The following PKIG variants were observed in gnomAD, a reference collection of about 807,000 sequenced individuals.
The protein encoded by PKIG is cAMP-dependent protein kinase inhibitor gamma.
PKIG carries 1 observed loss-of-function variant against 6.8 expected under a neutral mutation model. The ratio of observed to expected loss-of-function variants is 0.15; its 90% CI spans 0.05 to 0.69. PKIG has a LOEUF of 0.69. Among genes scored for constraint, PKIG ranks in the 30% least tolerant of loss-of-function variants. PKIG has a pLI of 0.82. For missense variants in PKIG, 77 were observed against 104.0 expected (o/e 0.74, Z 1.13); for synonymous variants, 39 against 43.0 (o/e 0.91, Z 0.36).
chr20:44,592,150 T>C (rs1568826102), intron 2 of PKIG, among the ~76,000 whole-genome samples: 1 of 152,154 alleles, frequency 6.6e-6, no homozygotes, highest in East Asian at 1.9e-4. Context: ...TCTTATGAAG[T>C]ACATATATAT....
intron 2 of PKIG, among the ~76,000 whole-genome samples, chr20:44,591,599 G>A (rs967141121): frequency 6.7e-6 from 1 of 148,612 alleles, no homozygotes; most frequent in African/African-American, 2.5e-5. Flanking sequence ...GGAGAAAAGA[G>A]GAAGTGGTGC....
At chr20:44,599,797 C>T (rs2065105629) in intron 2 of PKIG, among the ~76,000 whole-genome samples, 1 of 152,278 alleles carries the variant, frequency 6.6e-6, no homozygotes, top group African/African-American at 2.4e-5. Context: ...CTTTTTAAGA[C>T]AAGTGTGAGC....
chr20:44,551,154 C>T (rs1600844832), intron 1 of PKIG, among the ~76,000 whole-genome samples: 1 of 152,036 alleles, frequency 6.6e-6, no homozygotes, highest in South Asian at 2.1e-4. Flanking sequence ...CCCGGGTTCA[C>T]ACCACTCTCC....
At chr20:44,532,405 A>G (rs1164391532) in intron 1 of PKIG, among the ~76,000 whole-genome samples, 1 of 152,178 alleles carries the variant, frequency 6.6e-6, no homozygotes, top group Non-Finnish European at 1.5e-5. Flanking sequence ...TACAAGGTAA[A>G]TTTATATTTA....
chr20:44,571,224 A>AAAT (rs140802204), intron 1 of PKIG, among the ~76,000 whole-genome samples: 6,748 of 150,154 alleles, frequency 0.045, 201 homozygotes, highest in African/African-American at 0.08. Flanking sequence ...AGAGAGACTC[A>AAAT]AATAATAATA....
At chr20:44,589,456 TCTC>T (rs1454058092) in intron 1 of PKIG, among the ~76,000 whole-genome samples, 1 of 152,238 alleles carries the variant, frequency 6.6e-6, no homozygotes, top group Non-Finnish European at 1.5e-5. Flanking sequence ...TACAATGAAA[TCTC>T]CTTCATTCTT....
In PKIG at chr20:44,614,823, G is replaced by A; in HGVS notation, c.151+116G>A. The A allele has an allele frequency of 9.5e-7, 1 of 1,054,646 alleles. No homozygotes were observed. The highest frequency in any genetic ancestry group is 1.5e-5 in the South Asian group (1 of 64,572). The allele number at this position is 1,054,646 out of a possible 1,614,324, so 65.3% of individuals were successfully genotyped here. On this transcript the variant is annotated intron_variant, in intron 3 of 3. Transcript: ENST00000372886. The surrounding 1 kb of genome is among the most constrained non-coding windows in gnomAD (Gnocchi z 4.6). ...TTCTTAGAGAAGAAACCACATTTAA[G>A]TCAGGCCTGCCCCATGGTCAGTGGC...
rs181155765 is a variant in PKIG, at chr20:44,587,967, G to C, written c.-93-1830G>C. 2.5e-3 allele frequency among the ~76,000 whole-genome samples: 384 copies of C among 152,252 alleles called. 8 individuals are homozygous for C. In the South Asian group the frequency reaches 0.025, roughly 10 times the overall value. The stretch of plus-strand genomic sequence containing the variant: ...ATGTGTTAGGCATTATGCAAGGTGC[G>C]GTGGGGAATGTCGAGGTAAATAAGA... On this transcript the variant is annotated intron_variant, in intron 1 of 3. Transcript: ENST00000372886.
chr20:44,548,307 G>T (rs2064635005), intron 1 of PKIG, among the ~76,000 whole-genome samples: 1 of 152,080 alleles, frequency 6.6e-6, no homozygotes, highest in Non-Finnish European at 1.5e-5. Context: ...CTGGAGGGAG[G>T]GACCATGTTT....
At position 44,594,561 on chromosome 20, in the gene PKIG, C is replaced by T. The variant is rs550556015; in HGVS notation, c.-24+4695C>T. 3.3e-5 allele frequency among the ~76,000 whole-genome samples: 5 copies of T among 152,322 alleles called. No individual in the cohort carries two copies. In the East Asian group the frequency reaches 9.6e-4, roughly 29 times the overall value. ...TTTTACAAAAGAAGAAACTGAGGCT[C>T]AGAGATGTTAAGTGATTTGCTCAGC... is the stretch of plus-strand genomic sequence containing the variant. On this transcript the variant is annotated intron_variant, in intron 2 of 3. Transcript: ENST00000372886.
chr20:44,610,500 T>TCACACACACACACACACACACACACA lies in PKIG; in HGVS notation c.-23-4030_-23-4005dup, dbSNP rs559846553. Among the ~76,000 whole-genome samples, 402 of 135,464 alleles carry TCACACACACACACACACACACACACA rather than the reference T, an allele frequency of 3.0e-3. 1 individual carries two copies. Among genetic ancestry groups the TCACACACACACACACACACACACACA allele is most frequent in the Non-Finnish European group, 4.4e-3 (286 of 64,332 alleles). The allele number at this position is 135,464 out of a possible 152,430, so 88.9% of individuals were successfully genotyped here. Reference sequence around the variant, plus strand: ...TCTCTCTCTCTTCTCTCTCTCTCTCTCACACACACACACACACACACACAC... The same window carrying TCACACACACACACACACACACACACA: ...TCTCTCTCTCTTCTCTCTCTCTCTCTCACACACACACACACACACACACACACACACACACACACACACACACACAC... On this transcript the variant is annotated intron_variant, in intron 2 of 3. Transcript: ENST00000372886.
At chr20:44,561,331 C>T (rs945185931) in intron 1 of PKIG, among the ~76,000 whole-genome samples, 3 of 150,772 alleles carry the variant, frequency 2.0e-5, no homozygotes, top group Admixed American at 2.0e-4. Context: ...TGCGAGACTC[C>T]GTCTCAAAAA....
chr20:44,605,932 A>G (rs11905589), intron 2 of PKIG, among the ~76,000 whole-genome samples: 2 of 152,112 alleles, frequency 1.3e-5, no homozygotes, highest in Non-Finnish European at 2.9e-5. Flanking sequence ...CCAGAAATAA[A>G]CAAAGGGATT....
chr20:44,561,075 C>T (rs1446235367), intron 1 of PKIG, among the ~76,000 whole-genome samples: 6 of 152,198 alleles, frequency 3.9e-5, no homozygotes, highest in Non-Finnish European at 8.8e-5. Flanking sequence ...TGATGGCTCA[C>T]GCCTGTAATC....
chr20:44,594,358 GGT>G (rs2123400541), intron 2 of PKIG, among the ~76,000 whole-genome samples: 1 of 152,260 alleles, frequency 6.6e-6, no homozygotes, highest in South Asian at 2.1e-4. Flanking sequence ...GGTTCAGAGA[GGT>G]CAGGAATTTT....
intron 1 of PKIG, among the ~76,000 whole-genome samples, chr20:44,550,782 G>A (rs2123192382): frequency 1.3e-5 from 2 of 152,220 alleles, no homozygotes; most frequent in Middle Eastern, 6.8e-3. Context: ...CCTGCCTAAG[G>A]TCCCAGAGCT....
chr20:44,546,463 A>G (rs2064614720), intron 1 of PKIG, among the ~76,000 whole-genome samples: 1 of 152,116 alleles, frequency 6.6e-6, no homozygotes, highest in South Asian at 2.1e-4. Flanking sequence ...ATTGAAATGA[A>G]TATCACCAGG....
intron 2 of PKIG, among the ~76,000 whole-genome samples, chr20:44,611,843 G>T (rs2065222587): frequency 6.6e-6 from 1 of 151,318 alleles, no homozygotes. Context: ...TTTTTTTTAA[G>T]ATTCCATGTA....
upstream of PKIG, among the ~76,000 whole-genome samples, chr20:44,578,069 G>A (rs185558922): frequency 1.5e-3 from 222 of 152,148 alleles, 1 homozygote; most frequent in South Asian, 5.4e-3. Context: ...GGCCGGGCAT[G>A]GTGGCTCATG....
Sources: allele counts gnomAD v4.1 joint callset (sites outside exome capture counted in the v4.1 genomes callset), GRCh38; gene constraint gnomAD v4.1.1; non-coding constraint Gnocchi (gnomAD v3.1); transcripts MANE v1.5; gene names NCBI Gene and HGNC (gene_info 2026-07-23, HGNC 2026-07-21).